Variants in VWA3B observed in about 807,000 individuals in gnomAD.
VWA3B encodes the protein von Willebrand factor A domain containing 3B.
In VWA3B, 138 loss-of-function variants were observed where a neutral mutation model predicts 158.3. That is an observed-to-expected ratio of 0.87 (90% CI 0.76 to 1.00). The LOEUF is 1.00. VWA3B is among the 50% of genes least tolerant of loss of function. VWA3B has a pLI of 0.00. For missense variants in VWA3B, 1,555 were observed against 1,565.1 expected, an observed-to-expected ratio of 0.99 and a Z score of 0.11; for synonymous variants, 596 against 587.3, an observed-to-expected ratio of 1.01 and a Z score of -0.21.
chr2:98,153,433 T>C (rs961323888), intron 7 of VWA3B, among the ~76,000 whole-genome samples: 10 of 152,194 alleles, frequency 6.6e-5, no homozygotes, highest in Non-Finnish European at 5.9e-5. Context: ...CTTTTTGTGT[T>C]GGTGGAGAAA....
chr2:98,293,183 C>A (rs948734459), intron 23 of VWA3B, among the ~76,000 whole-genome samples: 7 of 152,004 alleles, frequency 4.6e-5, no homozygotes, highest in African/African-American at 1.7e-4. Flanking sequence ...ATGCCTGAGG[C>A]CACAACGGAA....
chr2:98,179,826 C>A (rs867802358), intron 8 of VWA3B, among the ~76,000 whole-genome samples: 1 of 85,298 alleles, frequency 1.2e-5, no homozygotes, highest in African/African-American at 4.6e-5. Context: ...TTCTTTCTTT[C>A]TTTTTCTTTC....
At chr2:98,222,493 T>C (rs753415471) in intron 14 of VWA3B, among the ~76,000 whole-genome samples, 8 of 152,204 alleles carry the variant, frequency 5.3e-5, no homozygotes, top group Non-Finnish European at 1.2e-4. Flanking sequence ...GACTCTCCTC[T>C]CCTTCAGAGA....
Position 98,230,180 on chromosome 2 carries a change from G to T in VWA3B, c.2281G>T (p.Val761Phe), listed in dbSNP as rs1685236005. ...ACCATGGGGCCTTTCAGATCAAAAG[G>T]TTCAGAAAAAGAAAGTCCTTCACGC... ...KGPWGLSDQK[V>F]QKKKVLHAES... is the part of the protein sequence containing the mutation. Residue 761 changes from valine (V) to phenylalanine (F), a missense_variant, in exon 16 of 28, where the codon GTT becomes TTT. Coordinates refer to ENST00000477737, the MANE Select transcript of VWA3B (RefSeq NM_144992.5). 2 of 1,583,896 alleles carry T rather than the reference G, an allele frequency of 1.3e-6. No homozygotes were observed. Among genetic ancestry groups the T allele is most frequent in the African/African-American group, 2.7e-5 (2 of 72,982 alleles).
At chr2:98,187,868 G>A (rs940423570) in intron 9 of VWA3B, 107 bp from the exon 10 acceptor site, 7 of 1,162,862 alleles carry the variant, frequency 6.0e-6, no homozygotes, top group Non-Finnish European at 7.0e-6. Context: ...TGACGGTAGA[G>A]TGGAGTGCTA....
At chr2:98,212,991 G>T (rs992716192) in intron 13 of VWA3B, among the ~76,000 whole-genome samples, 1 of 152,150 alleles carries the variant, frequency 6.6e-6, no homozygotes, top group Non-Finnish European at 1.5e-5. Context: ...TACAACACGG[G>T]AACAGGGTTG....
intron 18 of VWA3B, 42 bp from the exon 19 acceptor site, chr2:98,236,532 T>C (rs1455705875): frequency 4.3e-6 from 7 of 1,613,840 alleles, no homozygotes; most frequent in Non-Finnish European, 5.9e-6. Context: ...TGGTTAACCA[T>C]CAAGTTGTAA....
chr2:98,234,178 G>A (rs533247572), intron 16 of VWA3B, among the ~76,000 whole-genome samples: 32 of 152,370 alleles, frequency 2.1e-4, no homozygotes, highest in African/African-American at 7.5e-4. Context: ...ATCTAGGTGA[G>A]TCCAGTGTAA....
intron 16 of VWA3B, among the ~76,000 whole-genome samples, chr2:98,230,973 A>G (rs1271484929): frequency 6.6e-6 from 1 of 152,184 alleles, no homozygotes; most frequent in Admixed American, 6.5e-5. Context: ...GACGCACAAA[A>G]CCAATTGCAT....
At chr2:98,201,136 A>G (rs1236285974) in intron 12 of VWA3B, among the ~76,000 whole-genome samples, 1 of 152,168 alleles carries the variant, frequency 6.6e-6, no homozygotes, top group Non-Finnish European at 1.5e-5. Flanking sequence ...TGTACATTTC[A>G]GAATCAGTTG....
intron 10 of VWA3B, among the ~76,000 whole-genome samples, chr2:98,188,854 TG>T (rs1232299986): frequency 6.6e-6 from 1 of 152,186 alleles, no homozygotes; most frequent in African/African-American, 2.4e-5. Flanking sequence ...TTGATGCCAG[TG>T]CAGTTTATTG....
rs75531074 is a variant in VWA3B at position 98,248,885 on chromosome 2, C to CTTTCTTTCTCTT, written c.2674-1432_2674-1431insTTCTTTCTCTTT. Among the ~76,000 whole-genome samples, 35 of 58,044 alleles carry CTTTCTTTCTCTT rather than the reference C, an allele frequency of 6.0e-4. 1 individual carries two copies. Among genetic ancestry groups the CTTTCTTTCTCTT allele is most frequent in the South Asian group, 2.9e-3 (3 of 1,030 alleles). The allele number at this position is 58,044 out of a possible 152,430, so 38.1% of individuals were successfully genotyped here. On this transcript the variant is annotated intron_variant, in intron 19 of 27. Transcript: ENST00000477737. ...TTTCTTTCTTTCTTTCTTTCTTTCT[C>CTTTCTTTCTCTT]TCTTTCCTTTCTTTCTTCTTTCTTT...
chr2:98,117,332 G>A (rs1261719428), intron 3 of VWA3B, among the ~76,000 whole-genome samples: 1 of 152,142 alleles, frequency 6.6e-6, no homozygotes, highest in African/African-American at 2.4e-5. Context: ...GTGTGAGTTG[G>A]GTATAGCTGA....
intron 2 of VWA3B, among the ~76,000 whole-genome samples, chr2:98,099,824 T>C (rs1682963560): frequency 6.6e-6 from 1 of 152,124 alleles, no homozygotes; most frequent in South Asian, 2.1e-4. Flanking sequence ...TTCTTTCTTC[T>C]GCTTGTTCAA....
chr2:98,290,028 T>G (rs1161612012), intron 22 of VWA3B, among the ~76,000 whole-genome samples: 2 of 152,172 alleles, frequency 1.3e-5, no homozygotes, highest in Non-Finnish European at 2.9e-5. Flanking sequence ...TATAATGTGA[T>G]TCTCAATAGA....
chr2:98,315,570 T>C (rs1022419254), downstream of VWA3B, among the ~76,000 whole-genome samples: 3 of 152,204 alleles, frequency 2.0e-5, no homozygotes, highest in Non-Finnish European at 4.4e-5. Flanking sequence ...AAAGATTCCA[T>C]ACTTCAAGTG....
chr2:98,297,175 G>A (rs953103849), intron 23 of VWA3B, among the ~76,000 whole-genome samples: 10 of 151,550 alleles, frequency 6.6e-5, no homozygotes, highest in South Asian at 2.1e-4. Context: ...TCCACCTCCC[G>A]GGTTCAAGCG....
intron 7 of VWA3B, among the ~76,000 whole-genome samples, chr2:98,139,608 T>A (rs1218659052): frequency 2.6e-5 from 4 of 152,002 alleles, no homozygotes; most frequent in Non-Finnish European, 2.9e-5. Context: ...AATGCACCAA[T>A]TGACACTCTG....
chr2:98,255,180 ATATTTTTTTT>A (rs1687044169), intron 20 of VWA3B, among the ~76,000 whole-genome samples: 4 of 65,934 alleles, frequency 6.1e-5, no homozygotes, highest in Non-Finnish European at 5.6e-5. Context: ...CGCCCGGCTG[ATATTTTTTTT>A]TTTTTTTTTT....
Sources: gnomAD v4.1 joint callset for allele counts (sites outside exome capture counted in the v4.1 genomes callset) on GRCh38, gnomAD v4.1.1 for gene constraint, MANE v1.5 for transcripts, NCBI Gene and HGNC (gene_info 2026-07-23, HGNC 2026-07-21) for gene names.